Variants in RELCH observed in about 807,000 individuals in gnomAD.
RELCH encodes the protein RAB11 binding and LisH domain, coiled-coil and HEAT repeat containing.
A neutral mutation model predicts 150.3 loss-of-function variants in RELCH; 41 were observed. That is an observed-to-expected ratio of 0.27 (90% CI 0.21 to 0.35). RELCH has a LOEUF of 0.35. RELCH is among the 10% of genes least tolerant of loss of function. The pLI, the probability that RELCH is intolerant of heterozygous loss-of-function variation, is 1.00. For synonymous variants in RELCH, 478 were observed against 531.8 expected (o/e 0.90, Z 1.39); for missense variants, 1,092 against 1,467.8 (o/e 0.74, Z 4.18).
At chr18:62,280,489 G>T in intron 23 of RELCH, 157 bp from the exon 24 acceptor site, 3 of 1,548,662 alleles carry the variant, frequency 1.9e-6, no homozygotes, top group South Asian at 2.2e-5. Context: ...CTGTCTTTTT[G>T]AGCATTCTTC....
At chr18:62,189,272 G>GT (rs2038431803) in intron 1 of RELCH, among the ~76,000 whole-genome samples, 8 of 107,568 alleles carry the variant, frequency 7.4e-5, no homozygotes, top group South Asian at 3.8e-4. Flanking sequence ...TTTTTTTTTT[G>GT]TTGTTTTTTT....
At chr18:62,235,073 C>G (rs1030310899) in intron 10 of RELCH, 2 of 151,832 alleles carry the variant, frequency 1.3e-5, no homozygotes, top group Admixed American at 6.6e-5. Context: ...AGAGCTAAAG[C>G]TATGAAACAA....
chr18:62,190,132 A>C (rs193194026), intron 1 of RELCH, among the ~76,000 whole-genome samples: 61 of 152,362 alleles, frequency 4.0e-4, no homozygotes, highest in Admixed American at 9.1e-4. Context: ...TTTAAAAAAC[A>C]AAAAATGGAT....
chr18:62,290,454 C>G (rs1481041943), intron 26 of RELCH, among the ~76,000 whole-genome samples: 7 of 152,082 alleles, frequency 4.6e-5, no homozygotes, highest in Non-Finnish European at 1.0e-4. Context: ...TCACTTGAAC[C>G]CAGGAGGCGG....
intron 12 of RELCH, among the ~76,000 whole-genome samples, chr18:62,254,371 C>CT (rs1247340781): frequency 2.0e-5 from 3 of 151,904 alleles, no homozygotes; most frequent in Admixed American, 2.0e-4. Context: ...TGTAAATAGA[C>CT]TTTTTTCTTA....
intron 12 of RELCH, among the ~76,000 whole-genome samples, chr18:62,254,263 A>T (rs1449682760): frequency 6.6e-6 from 1 of 152,106 alleles, no homozygotes; most frequent in East Asian, 1.9e-4. Context: ...TGGGTCTTTT[A>T]AAATTTCTCT....
intron 26 of RELCH, among the ~76,000 whole-genome samples, chr18:62,289,984 T>A (rs1722100015): frequency 6.6e-6 from 1 of 152,192 alleles, no homozygotes; most frequent in Non-Finnish European, 1.5e-5. Context: ...TATCCCCATA[T>A]CTAGAAAGCA....
At chr18:62,297,378 T>TTAC (rs2045461801) in intron 27 of RELCH, among the ~76,000 whole-genome samples, 1 of 151,990 alleles carries the variant, frequency 6.6e-6, no homozygotes, top group Non-Finnish European at 1.5e-5. Flanking sequence ...CATCCCAAGA[T>TTAC]TACCAGTCAT....
chr18:62,187,491 T>C lies in RELCH; in HGVS notation c.-15T>C. The C allele has an allele frequency of 6.6e-7, 1 of 1,510,840 alleles. No homozygotes were observed. The highest frequency in any genetic ancestry group is 1.4e-5 in the South Asian group (1 of 73,552). 93.6% of individuals were successfully genotyped at this position (1,510,840 alleles called of 1,614,324 possible). On this transcript the variant is annotated 5_prime_UTR_variant, in exon 1 of 29. Transcript: ENST00000644646. ...GAACCAGTCAGGGAGGCGCCCACAC[T>C]CCTGACAGGATAAGATGGCGGCGAT...
At chr18:62,197,645 C>T (rs1446615664) in intron 1 of RELCH, among the ~76,000 whole-genome samples, 3 of 152,114 alleles carry the variant, frequency 2.0e-5, no homozygotes, top group South Asian at 2.1e-4. Context: ...ATAGATTCCT[C>T]ATAGATTTCT....
chr18:62,207,455 A>G (rs925875161), intron 1 of RELCH, among the ~76,000 whole-genome samples: 5 of 152,198 alleles, frequency 3.3e-5, no homozygotes, highest in African/African-American at 1.2e-4. Flanking sequence ...TAATGCTGCT[A>G]TGAATAATTA....
chr18:62,195,280 CTGTGTGTGTGTG>C (rs148387504), intron 1 of RELCH, among the ~76,000 whole-genome samples: 1 of 136,230 alleles, frequency 7.3e-6, no homozygotes, highest in East Asian at 2.0e-4. Context: ...TACACACACT[CTGTGTGTGTGTG>C]TGTGTGTGTG....
chr18:62,305,715 G>C lies in RELCH; in HGVS notation c.*181G>C, dbSNP rs140062778. ...CTGCTGTATATTTGTTGATTTTGGAGTTACAACTGTGGTGATAGAAAATTG... is the reference window on the plus strand; with the variant it reads ...CTGCTGTATATTTGTTGATTTTGGACTTACAACTGTGGTGATAGAAAATTG... On this transcript the variant is annotated 3_prime_UTR_variant, in exon 29 of 29. Transcript: ENST00000644646. The surrounding 1 kb of genome is among the most constrained non-coding windows in gnomAD (Gnocchi z 4.0). 0.024 allele frequency: 11,912 copies of C among 496,844 alleles called. 160 individuals are homozygous for C. The highest frequency in any genetic ancestry group is 0.078 in the Middle Eastern group (242 of 3,104). The allele number at this position is 496,844 out of a possible 1,614,324, so 30.8% of individuals were successfully genotyped here. A position where few individuals can be genotyped will look rare whatever the true frequency, so the allele number is the denominator to read the frequency against.
intron 17 of RELCH, among the ~76,000 whole-genome samples, 168 bp from the exon 18 acceptor site, chr18:62,264,561 A>T (rs2043448760): frequency 6.6e-6 from 1 of 152,120 alleles, no homozygotes; most frequent in East Asian, 1.9e-4. Context: ...TTTTAAGTCT[A>T]TACAGTATAA....
intron 27 of RELCH, among the ~76,000 whole-genome samples, chr18:62,297,694 C>T (rs1437379805): frequency 6.6e-6 from 1 of 152,092 alleles, no homozygotes; most frequent in Non-Finnish European, 1.5e-5. Context: ...AGGATCTGGC[C>T]CTCTCTTCTA....
In RELCH at chr18:62,264,864, T is replaced by C. The variant is rs1358280044; in HGVS notation, c.2631+12T>C. ...TTACAAACACTAAGGTAAAAACTTG[T>C]ATTCCATGTTTTCTTATATGAAAAA... is the stretch of plus-strand genomic sequence containing the variant. On this transcript the variant is annotated intron_variant, in intron 18 of 28. Transcript: ENST00000644646. The C allele has an allele frequency of 1.3e-6, 2 of 1,593,560 alleles. No homozygotes were observed. Among genetic ancestry groups the C allele is most frequent in the African/African-American group, 1.4e-5 (1 of 73,816 alleles).
At chr18:62,249,038 A>G (rs1256008867) in intron 11 of RELCH, among the ~76,000 whole-genome samples, 1 of 152,208 alleles carries the variant, frequency 6.6e-6, no homozygotes, top group Non-Finnish European at 1.5e-5. Flanking sequence ...AAGCAGTTGA[A>G]TGTTTTCCTA....
intron 20 of RELCH, among the ~76,000 whole-genome samples, chr18:62,271,058 G>C (rs1243822203): frequency 6.6e-6 from 1 of 152,172 alleles, no homozygotes; most frequent in Non-Finnish European, 1.5e-5. Context: ...ACATACGTGT[G>C]CATGTGTCTT....
Position 62,266,681 on chromosome 18 carries a change from C to T in RELCH, c.2632-20C>T. ...CCATTGAACCTGAGACTTTTTGAAT[C>T]TTCTCTTTGGGTTGCTTAGGTAAAA... On this transcript the variant is annotated intron_variant, in intron 18 of 28. Transcript: ENST00000644646. The T allele has an allele frequency of 6.4e-7, 1 of 1,573,312 alleles. No homozygotes were observed.
Sources: allele counts gnomAD v4.1 joint callset (sites outside exome capture counted in the v4.1 genomes callset), GRCh38; gene constraint gnomAD v4.1.1; non-coding constraint Gnocchi (gnomAD v3.1); transcripts MANE v1.5; gene names NCBI Gene and HGNC (gene_info 2026-07-23, HGNC 2026-07-21).